Variants in C2 observed in about 807,000 individuals in gnomAD.
The protein encoded by C2 is complement C2.
In C2, 64 loss-of-function variants were observed where a neutral mutation model predicts 85.2. The observed-to-expected ratio is 0.75, with a 90% confidence interval of 0.61 to 0.92. C2 has a LOEUF of 0.92. Ranked by LOEUF, C2 falls within the 40% of genes least tolerant of loss-of-function variation. C2 has a pLI of 0.00. For missense variants in C2, 820 were observed against 971.6 expected (o/e 0.84, Z 2.07); for synonymous variants, 311 against 370.8 (o/e 0.84, Z 1.85).
In C2 at chr6:31,922,312, T is replaced by C. The variant is rs970487813; in HGVS notation, c.-100+2286T>C. Among the ~76,000 whole-genome samples, 2 of 151,926 alleles carry C rather than the reference T, an allele frequency of 1.3e-5. No homozygotes were observed. The highest frequency in any genetic ancestry group is 2.9e-5 in the Non-Finnish European group (2 of 67,980). ...GGCCAAGCCAGACTAGTTTTCCAAT[T>C]TGGGGGTTGACCTGCAGTTGCCATA... On this transcript the variant is annotated intron_variant, in intron 1 of 3. Transcript: ENST00000413154. This position sits in a 1 kb window ranked among gnomAD's most constrained non-coding sequence, Gnocchi z 4.8.
intron 9 of C2, chr6:31,941,773 G>A (rs1055916594): frequency 7.2e-5 from 11 of 151,726 alleles, no homozygotes; most frequent in African/African-American, 2.2e-4. Context: ...AAAAACTGCC[G>A]GGATTACAGG....
upstream of C2, chr6:31,927,716 C>T (rs776263411): frequency 3.6e-5 from 58 of 1,612,758 alleles, no homozygotes; most frequent in Non-Finnish European, 4.2e-5. This position sits in a 1 kb window ranked among gnomAD's most constrained non-coding sequence, Gnocchi z 4.7. Flanking sequence ...TTCCCTCCCG[C>T]GGCTCTCTAC....
intron 6 of C2, chr6:31,934,800 A>G: frequency 2.0e-6 from 1 of 504,030 alleles, no homozygotes; most frequent in Non-Finnish European, 2.6e-6. Flanking sequence ...ACTTGAGGTC[A>G]GGAGTTTGAG....
In C2 at chr6:31,935,992, T is replaced by A. The variant is rs541199729; in HGVS notation, c.919T>A (p.Ser307Thr). 2.5e-6 allele frequency: 4 copies of A among 1,613,036 alleles called. No homozygotes were observed. Among genetic ancestry groups the A allele is most frequent in the African/African-American group, 1.3e-5 (1 of 75,026 alleles). Residue 307 changes from serine (S) to threonine (T), a missense_variant, in exon 7 of 18, where the codon TCT becomes ACT. Transcript: ENST00000299367. This position sits in a 1 kb window ranked among gnomAD's most constrained non-coding sequence, Gnocchi z 4.3. ...TFASEPKVLM[S>T]VLNDNSRDMT... is the part of the protein sequence containing the mutation. ...TGCCTCAGAGCCCAAAGTCCTCATG[T>A]CTGTCCTGAACGACAACTCCCGGGA...
chr6:31,900,579 G>A (rs747437309), upstream of C2: 25 of 1,612,170 alleles, frequency 1.6e-5, no homozygotes, highest in Non-Finnish European at 2.1e-5. The surrounding 1 kb of genome is among the most constrained non-coding windows in gnomAD (Gnocchi z 9.7). Flanking sequence ...AGCTCCCCAA[G>A]GTGGCCACCC....
At chr6:31,939,931 C>A (rs1449526235) in intron 9 of C2, among the ~76,000 whole-genome samples, 1 of 152,038 alleles carries the variant, frequency 6.6e-6, no homozygotes, top group African/African-American at 2.4e-5. Context: ...TGTGTGCCAC[C>A]ATGCCCGGCT....
intron 3 of C2, among the ~76,000 whole-genome samples, chr6:31,933,112 G>A (rs1192835238): frequency 1.3e-5 from 2 of 152,182 alleles, no homozygotes; most frequent in Admixed American, 6.5e-5. Context: ...CGTGGAAAGA[G>A]AGGGAGAGGG....
rs1250298764 is a variant in C2 at position 31,928,141 on chromosome 6, CTCTG to C, written c.237_240del (p.Ser80ArgfsTer33). 8 of 1,611,754 alleles carry C rather than the reference CTCTG, an allele frequency of 5.0e-6. No individual in the cohort carries two copies. The highest frequency in any genetic ancestry group is 6.8e-6 in the Non-Finnish European group (8 of 1,179,818). ...TGGCAGACCCCAGGAGCCACCCGGT[CTCTG>C]TCTAAGGCGGTCTGCAAACGTGAGG... On this transcript the variant is annotated frameshift_variant, in exon 2 of 18. Transcript: ENST00000299367. LOFTEE classifies it high-confidence loss of function.
chr6:31,918,004 TA>T (rs958140832), upstream of C2, among the ~76,000 whole-genome samples: 1 of 151,536 alleles, frequency 6.6e-6, no homozygotes, highest in Non-Finnish European at 1.5e-5. Flanking sequence ...AGCTTTTCCG[TA>T]AAAAAATTTT....
rs896908735 is a variant in C2 at position 31,920,833 on chromosome 6, G to A, written c.-100+807G>A. ...GCCCTACCCCACCCCTTAGTTCCTCGTTCCATTCTCAGGAATTGTTTGTGC... is the reference window on the plus strand; with the variant it reads ...GCCCTACCCCACCCCTTAGTTCCTCATTCCATTCTCAGGAATTGTTTGTGC... On this transcript the variant is annotated intron_variant, in intron 1 of 3. Transcript: ENST00000413154. The surrounding 1 kb of genome is among the most constrained non-coding windows in gnomAD (Gnocchi z 5.6). 2.0e-5 allele frequency among the ~76,000 whole-genome samples: 3 copies of A among 152,174 alleles called. No homozygotes were observed. Among genetic ancestry groups the A allele is most frequent in the Admixed American group, 1.3e-4 (2 of 15,282 alleles).
chr6:31,897,793 C>T (rs1417829076), upstream of C2: 2 of 992,054 alleles, frequency 2.0e-6, no homozygotes. Flanking sequence ...GCCATTTTCC[C>T]CTGAGAGCGG....
rs1562614408 is a variant in C2 at position 31,943,129 on chromosome 6, G to A, written c.1360+30G>A. The stretch of plus-strand genomic sequence containing the variant: ...GTGAGCTTTGCCCTCCTTGGTGTGG[G>A]GAGGATGGTGAGGAGCCCGCCAGAG... On this transcript the variant is annotated intron_variant, in intron 10 of 17. Transcript: ENST00000299367. The surrounding 1 kb of genome is among the most constrained non-coding windows in gnomAD (Gnocchi z 6.4). The A allele has an allele frequency of 1.2e-6, 2 of 1,612,772 alleles. No individual in the cohort carries two copies. Among genetic ancestry groups the A allele is most frequent in the Admixed American group, 3.3e-5 (2 of 60,008 alleles).
chr6:31,902,187 T>C (rs916360207), intron 1 of C2, among the ~76,000 whole-genome samples: 15 of 144,060 alleles, frequency 1.0e-4, no homozygotes, highest in Non-Finnish European at 1.7e-4. Context: ...GCCTCCTCTT[T>C]GGCCGGGATT....
chr6:31,927,817 G>A lies in C2; in HGVS notation c.46+19G>A, dbSNP rs1215401395. On this transcript the variant is annotated intron_variant, in intron 1 of 17. Transcript: ENST00000299367. This position sits in a 1 kb window ranked among gnomAD's most constrained non-coding sequence, Gnocchi z 4.7. ...TACCCAGGTAGGAGGCAGGGAAGGGGGAACGTCAGGGTCCTGTGTGTGAGG... is the reference window on the plus strand; with the variant it reads ...TACCCAGGTAGGAGGCAGGGAAGGGAGAACGTCAGGGTCCTGTGTGTGAGG... 6.2e-7 allele frequency: 1 copy of A among 1,611,710 alleles called. No homozygotes were observed. Among genetic ancestry groups the A allele is most frequent in the East Asian group, 2.2e-5 (1 of 44,874 alleles).
chr6:31,932,221 C>G (rs1458414341), intron 3 of C2: 1 of 143,464 alleles, frequency 7.0e-6, no homozygotes, highest in Non-Finnish European at 1.5e-5. Context: ...ACTTCCCGGA[C>G]GGGGCGGCTG....
intron 1 of C2, among the ~76,000 whole-genome samples, chr6:31,912,865 A>AGC (rs9281623): frequency 6.9e-6 from 1 of 145,790 alleles, no homozygotes; most frequent in African/African-American, 2.5e-5. Context: ...AAAAAAAGAG[A>AGC]TTGGTTACCA....
chr6:31,939,616 G>A (rs925138819), intron 9 of C2, among the ~76,000 whole-genome samples: 2 of 149,302 alleles, frequency 1.3e-5, no homozygotes, highest in Non-Finnish European at 1.5e-5. Flanking sequence ...AGAAAGTAAC[G>A]ATGTCCACCA....
chr6:31,940,660 C>T (rs546014801), intron 9 of C2, among the ~76,000 whole-genome samples: 1 of 152,328 alleles, frequency 6.6e-6, no homozygotes, highest in East Asian at 1.9e-4. Context: ...CTCTTTAAAA[C>T]TCTGGCCCAA....
Position 31,920,814 on chromosome 6 carries a change from C to T in C2, c.-100+788C>T, listed in dbSNP as rs1413147033. Among the ~76,000 whole-genome samples the T allele has an allele frequency of 6.6e-6, 1 of 152,166 alleles. No individual in the cohort carries two copies. The highest frequency in any genetic ancestry group is 1.5e-5 in the Non-Finnish European group (1 of 68,032). ...GCCTTCTGTTTCTTGGGAGGCCCTA[C>T]CCCACCCCTTAGTTCCTCGTTCCAT... On this transcript the variant is annotated intron_variant, in intron 1 of 3. Coordinates refer to the C2 transcript ENST00000413154. The surrounding 1 kb of genome is among the most constrained non-coding windows in gnomAD (Gnocchi z 5.6).
Sources: gnomAD v4.1 joint callset for allele counts (sites outside exome capture counted in the v4.1 genomes callset) on GRCh38, gnomAD v4.1.1 for gene constraint, Gnocchi (gnomAD v3.1) non-coding constraint, MANE v1.5 for transcripts, NCBI Gene and HGNC (gene_info 2026-07-23, HGNC 2026-07-21) for gene names.